Variants in SLC6A20 observed in about 807,000 individuals in gnomAD.
The protein encoded by SLC6A20 is sodium- and chloride-dependent transporter XTRP3.
A neutral mutation model predicts 64.3 loss-of-function variants in SLC6A20; 73 were observed. The observed-to-expected ratio is 1.14, with a 90% CI of 0.94 to 1.38. SLC6A20 has a LOEUF of 1.38. Ranked by LOEUF, SLC6A20 falls within the 40% of genes most tolerant of loss-of-function variation. The pLI is 0.00. For synonymous variants in SLC6A20, 347 were observed against 329.6 expected (o/e 1.05, Z -0.57); for missense variants, 725 against 772.8 (o/e 0.94, Z 0.73).
At chr3:45,792,330 G>A (rs1700268389) in intron 1 of SLC6A20, among the ~76,000 whole-genome samples, 1 of 152,204 alleles carries the variant, frequency 6.6e-6, no homozygotes, top group South Asian at 2.1e-4. Flanking sequence ...AGTGACTTGA[G>A]CCCCAGCTAT....
chr3:45,790,160 G>A (rs1700226002), intron 1 of SLC6A20: 1 of 151,920 alleles, frequency 6.6e-6, no homozygotes, highest in South Asian at 2.1e-4. Flanking sequence ...GCTTACTCAG[G>A]TGTCCAAACT....
intron 1 of SLC6A20, among the ~76,000 whole-genome samples, chr3:45,793,269 T>C (rs1322267494): frequency 6.6e-6 from 1 of 152,172 alleles, no homozygotes; most frequent in African/African-American, 2.4e-5. Flanking sequence ...AATCCATATT[T>C]CCACCAGTCA....
rs184665889 is a variant in SLC6A20 at position 45,758,919 on chromosome 3, A to T, written c.*59T>A. The T allele has an allele frequency of 9.9e-6, 15 of 1,520,898 alleles. No homozygotes were observed. Among genetic ancestry groups the T allele is most frequent in the Non-Finnish European group, 8.8e-7 (1 of 1,133,814 alleles). The allele number at this position is 1,520,898 out of a possible 1,614,324, so 94.2% of individuals were successfully genotyped here. ...GCTTAAGCATTTGAAAAAGCAGCCGAGGAGTTTCCGCCTGTAAATAGTATC... is the reference window on the plus strand; with the variant it reads ...GCTTAAGCATTTGAAAAAGCAGCCGTGGAGTTTCCGCCTGTAAATAGTATC... On this transcript the variant is annotated 3_prime_UTR_variant, in exon 11 of 11. Coordinates refer to ENST00000358525, the MANE Select transcript of SLC6A20 (RefSeq NM_020208.4).
chr3:45,779,926 A>G, intron 3 of SLC6A20, 83 bp downstream of exon 3: 1 of 1,446,844 alleles, frequency 6.9e-7, no homozygotes, highest in South Asian at 1.2e-5. Context: ...CTTGCCCCAC[A>G]CCCCCTTCCC....
At chr3:45,788,206 A>T (rs1461961867) in intron 1 of SLC6A20, among the ~76,000 whole-genome samples, 1 of 149,874 alleles carries the variant, frequency 6.7e-6, no homozygotes, top group African/African-American at 2.5e-5. Context: ...GTCCTGCCAT[A>T]TTTTTTGCTA....
chr3:45,778,300 G>A (rs1700007867), intron 3 of SLC6A20, among the ~76,000 whole-genome samples: 1 of 152,176 alleles, frequency 6.6e-6, no homozygotes, highest in Admixed American at 6.5e-5. Flanking sequence ...TCGTGGGGTG[G>A]CTGTTTTGAT....
chr3:45,755,738 G>C lies in SLC6A20; in HGVS notation c.*3240C>G, dbSNP rs1216907994. ...AAAGAACATTTTTTGAGACAGGATTGATTACTGGCTCAAGAGGATTCTTGA... is the reference window on the plus strand; with the variant it reads ...AAAGAACATTTTTTGAGACAGGATTCATTACTGGCTCAAGAGGATTCTTGA... On this transcript the variant is annotated 3_prime_UTR_variant, in exon 11 of 11. Transcript: ENST00000358525. 6.6e-6 allele frequency: 1 copy of C among 152,590 alleles called. No homozygotes were observed. Among genetic ancestry groups the C allele is most frequent in the African/African-American group, 2.4e-5 (1 of 41,414 alleles). The allele number at this position is 152,590 out of a possible 1,614,324, so 9.5% of individuals were successfully genotyped here. A position where few individuals can be genotyped will look rare whatever the true frequency, so the allele number is the denominator to read the frequency against.
chr3:45,782,411 C>T (rs1368111950), intron 1 of SLC6A20, among the ~76,000 whole-genome samples, 188 bp from the exon 2 acceptor site: 1 of 151,958 alleles, frequency 6.6e-6, no homozygotes, highest in East Asian at 1.9e-4. Flanking sequence ...CATTTTCATC[C>T]ATCCCTCTTG....
In SLC6A20 at chr3:45,762,968, G is replaced by A. The variant is rs953623637; in HGVS notation, c.1408C>T (p.Leu470=). ...FNDYAATLSL[L]LIVLVETIAV... is the part of the protein sequence containing the mutation. ...ATCGTCTCCACCAGCACGATGAGCA[G>A]CAGGGACAGTGTGGCCGCGTAGTCG... The change falls in exon 9 of 11, where the codon CTG becomes TTG. Residue 470 remains leucine (L), a synonymous_variant. Coordinates refer to ENST00000358525, the MANE Select transcript of SLC6A20 (RefSeq NM_020208.4). 1 of 1,614,140 alleles carries A rather than the reference G, an allele frequency of 6.2e-7. No individual in the cohort carries two copies. The highest frequency in any genetic ancestry group is 1.7e-5 in the Admixed American group (1 of 60,022).
chr3:45,760,473 C>T (rs1699651748), intron 9 of SLC6A20, among the ~76,000 whole-genome samples: 1 of 151,776 alleles, frequency 6.6e-6, no homozygotes, highest in African/African-American at 2.4e-5. Flanking sequence ...AGAAACACCA[C>T]GGAGCAGAAT....
Position 45,765,497 on chromosome 3 carries a change from C to T in SLC6A20, c.1303+40G>A. 6.3e-7 allele frequency: 1 copy of T among 1,584,984 alleles called. No homozygotes were observed. On this transcript the variant is annotated intron_variant, in intron 8 of 10. Transcript: ENST00000358525. The surrounding 1 kb of genome is among the most constrained non-coding windows in gnomAD (Gnocchi z 4.2). ...CCCTGTTCACCCCCACGCCTTGGCC[C>T]TCCTGACCCCTGCCTCCTCCACTGG...
In SLC6A20 at chr3:45,758,955, T is replaced by G. The variant is rs370700284; in HGVS notation, c.*23A>C. 2 of 1,582,240 alleles carry G rather than the reference T, an allele frequency of 1.3e-6. No individual in the cohort carries two copies. The highest frequency in any genetic ancestry group is 1.7e-6 in the Non-Finnish European group (2 of 1,164,620). On this transcript the variant is annotated 3_prime_UTR_variant, in exon 11 of 11. Transcript: ENST00000358525. ...CCTGTAAATAGTATCTGTAAAACCG[T>G]GAGCGGCTGGGAAGCCCACATCTCA...
chr3:45,796,305 C>A lies in SLC6A20; in HGVS notation c.115G>T (p.Gly39Cys), dbSNP rs765389305. ...WRFPYLCQMYGGGSFLVPYII... is the reference protein window; with the variant it reads ...WRFPYLCQMYCGGSFLVPYII... ...GGGCGCGGTGGGCACTCACCTCCGC[C>A]GTACATCTGGCACAGGTACGGGAAT... Residue 39 changes from glycine (G) to cysteine (C), a missense_variant, in exon 1 of 11, where the codon GGC becomes TGC. By Grantham distance (159) the Gly-to-Cys change is radical (BLOSUM62 -3). Transcript: ENST00000358525. The A allele has an allele frequency of 1.2e-6, 2 of 1,607,892 alleles. No individual in the cohort carries two copies. Among genetic ancestry groups the A allele is most frequent in the Non-Finnish European group, 1.7e-6 (2 of 1,177,468 alleles).
rs1699895751 is a variant in SLC6A20 at position 45,772,633 on chromosome 3, C to T, written c.583-18G>A. 1.9e-6 allele frequency: 3 copies of T among 1,604,326 alleles called. No individual in the cohort carries two copies. Among genetic ancestry groups the T allele is most frequent in the South Asian group, 2.2e-5 (2 of 90,092 alleles). On this transcript the variant is annotated intron_variant, in intron 4 of 10. Coordinates refer to ENST00000358525, the MANE Select transcript of SLC6A20 (RefSeq NM_020208.4). Reference sequence around the variant, plus strand: ...TACACCACCTGCGGGCATCAGAGGGCAGAGTTGGCCTCCCGGAGCAGTGGG... The same window carrying T: ...TACACCACCTGCGGGCATCAGAGGGTAGAGTTGGCCTCCCGGAGCAGTGGG...
chr3:45,769,812 A>G (rs1699830075), intron 7 of SLC6A20, among the ~76,000 whole-genome samples: 1 of 152,234 alleles, frequency 6.6e-6, no homozygotes, highest in African/African-American at 2.4e-5. Flanking sequence ...AGTAGGGAAA[A>G]AAAGGGGGAC....
chr3:45,765,430 T>C lies in SLC6A20; in HGVS notation c.1303+107A>G. 7.8e-7 allele frequency: 1 copy of C among 1,288,780 alleles called. No individual in the cohort carries two copies. Among genetic ancestry groups the C allele is most frequent in the Non-Finnish European group, 1.1e-6 (1 of 933,674 alleles). The allele number at this position is 1,288,780 out of a possible 1,614,324, so 79.8% of individuals were successfully genotyped here. A position where few individuals can be genotyped will look rare whatever the true frequency, so the allele number is the denominator to read the frequency against. ...CCGTGGTGAGGTGGCTGCAACCCCC[T>C]GTAGCCACCTGAACCAGCCCATGAC... On this transcript the variant is annotated intron_variant, in intron 8 of 10. Transcript: ENST00000358525. The surrounding 1 kb of genome is among the most constrained non-coding windows in gnomAD (Gnocchi z 4.2).
At chr3:45,772,089 T>C (rs191025688) in intron 5 of SLC6A20, 35 of 191,016 alleles carry the variant, frequency 1.8e-4, no homozygotes, top group African/African-American at 8.1e-4. Context: ...GTGGGGTGCA[T>C]GGAGAATGGG....
intron 3 of SLC6A20, among the ~76,000 whole-genome samples, chr3:45,779,017 C>A (rs1174067164): frequency 6.6e-6 from 1 of 152,222 alleles, no homozygotes; most frequent in Non-Finnish European, 1.5e-5. Context: ...ATTCCTCACG[C>A]CCCCACAGAG....
rs1364206287 is a variant in SLC6A20 at position 45,756,905 on chromosome 3, T to C, written c.*2073A>G. ...CGCTGGCCTCTGAGTTCCCTCAGTATTTATTGATCATTATTTTTACTGTCT... is the reference window on the plus strand; with the variant it reads ...CGCTGGCCTCTGAGTTCCCTCAGTACTTATTGATCATTATTTTTACTGTCT... On this transcript the variant is annotated 3_prime_UTR_variant, in exon 11 of 11. Coordinates refer to ENST00000358525, the MANE Select transcript of SLC6A20 (RefSeq NM_020208.4). The C allele has an allele frequency of 6.6e-6, 1 of 152,136 alleles. No individual in the cohort carries two copies. The highest frequency in any genetic ancestry group is 1.5e-5 in the Non-Finnish European group (1 of 68,024). The allele number at this position is 152,136 out of a possible 1,614,324, so 9.4% of individuals were successfully genotyped here.
Sources: allele counts gnomAD v4.1 joint callset (sites outside exome capture counted in the v4.1 genomes callset), GRCh38; gene constraint gnomAD v4.1.1; non-coding constraint Gnocchi (gnomAD v3.1); transcripts MANE v1.5; gene names NCBI Gene and HGNC (gene_info 2026-07-23, HGNC 2026-07-21).